PRKCZ: variants seen among roughly 807,000 people sequenced by gnomAD.
The protein encoded by PRKCZ is protein kinase C zeta.
In PRKCZ, 33 loss-of-function variants were observed where a neutral mutation model predicts 79.5. That is an observed-to-expected ratio of 0.41 (90% CI 0.31 to 0.55). The LOEUF (loss-of-function observed/expected upper bound fraction) is 0.55, where lower values mean the gene tolerates loss of function less well. Among genes scored for constraint, PRKCZ ranks in the 20% least tolerant of loss-of-function variants. The pLI is 0.19. For synonymous variants in PRKCZ, 342 were observed against 320.9 expected (o/e 1.07, Z -0.70); for missense variants, 578 against 813.5 (o/e 0.71, Z 3.52).
At chr1:2,124,314 C>T (rs77670361) in intron 4 of PRKCZ, among the ~76,000 whole-genome samples, 13 of 3,882 alleles carry the variant, frequency 3.3e-3, no homozygotes, top group Non-Finnish European at 5.5e-3. Flanking sequence ...GTTAGGGTCA[C>T]GGTGGTGGTT....
At position 2,080,079 on chromosome 1, in the gene PRKCZ, C is replaced by T. The variant is rs138161116; in HGVS notation, c.334+20488C>T. The stretch of plus-strand genomic sequence containing the variant: ...TGGGGCCCTTCTTTGGGGTTCGGCC[C>T]AGTACAGTCTCCTGGTGGCCACGGG... On this transcript the variant is annotated intron_variant, in intron 4 of 17. Coordinates refer to ENST00000378567, the MANE Select transcript of PRKCZ (RefSeq NM_002744.6). 6.6e-3 allele frequency among the ~76,000 whole-genome samples: 1,010 copies of T among 152,330 alleles called. 7 individuals are homozygous for T. The highest frequency in any genetic ancestry group is 0.023 in the African/African-American group (951 of 41,570).
rs1053241755 is a variant in PRKCZ at position 2,172,969 on chromosome 1, C to T, written c.1285+581C>T. 1.3e-5 allele frequency among the ~76,000 whole-genome samples: 2 copies of T among 150,134 alleles called. No individual in the cohort carries two copies. The highest frequency in any genetic ancestry group is 2.5e-5 in the African/African-American group (1 of 40,274). ...GGGCACGCGTGTGCAGCCGTGTGTG[C>T]GTGTGTGAAACGGGGACGTGGGCAC... On this transcript the variant is annotated intron_variant, in intron 13 of 17. Transcript: ENST00000378567. This position sits in a 1 kb window ranked among gnomAD's most constrained non-coding sequence, Gnocchi z 7.8.
chr1:2,093,376 G>A (rs534443052), intron 4 of PRKCZ, among the ~76,000 whole-genome samples: 1 of 152,132 alleles, frequency 6.6e-6, no homozygotes, highest in Admixed American at 6.5e-5. Flanking sequence ...AGGTCAGACC[G>A]CCGGGGTGTG....
chr1:2,055,689 G>A lies in PRKCZ; in HGVS notation c.193+127G>A, dbSNP rs544585156. ...TAAAGCTGTGGAATTAAACTTGTTG[G>A]CGCCAACTTTTCCCCAGTGGGGATG... On this transcript the variant is annotated intron_variant, in intron 2 of 17. Transcript: ENST00000378567. The A allele has an allele frequency of 2.9e-5, 40 of 1,385,770 alleles. No individual in the cohort carries two copies. In the Middle Eastern group the frequency reaches 7.9e-4, roughly 27 times the overall value. The allele number at this position is 1,385,770 out of a possible 1,614,324, so 85.8% of individuals were successfully genotyped here.
At position 2,150,928 on chromosome 1, in the gene PRKCZ, C is replaced by T; in HGVS notation, c.826C>T (p.Gln276Ter). 6.2e-7 allele frequency: 1 copy of T among 1,614,108 alleles called. No individual in the cohort carries two copies. Reference sequence around the variant, plus strand: ...CCTGGTGCGGTTGAAGAAGAATGACCAAATTTACGCCATGAAAGTGGTGAA... The same window carrying T: ...CCTGGTGCGGTTGAAGAAGAATGACTAAATTTACGCCATGAAAGTGGTGAA... ...VLLVRLKKNDQIYAMKVVKKE... is the reference protein window; with the variant it reads ...VLLVRLKKND Residue 276 changes from glutamine to a stop codon, truncating the protein, a stop_gained, in exon 9 of 18, where the codon CAA becomes TAA. Transcript: ENST00000378567. LOFTEE classifies it high-confidence loss of function.
intron 2 of PRKCZ, among the ~76,000 whole-genome samples, chr1:2,056,037 C>T (rs374831431): frequency 3.9e-5 from 6 of 152,320 alleles, no homozygotes; most frequent in Middle Eastern, 3.4e-3. Flanking sequence ...CAGGGACTGG[C>T]GGGCAGCTCT....
rs190111675 is a variant in PRKCZ, at chr1:2,069,415, G to T, written c.334+9824G>T. ...GAGTGGGTGTCCAGAAAGTTCCTGG[G>T]GCTCCACCAACCAGAACGTTGCCAT... On this transcript the variant is annotated intron_variant, in intron 4 of 17. Transcript: ENST00000378567. 3.3e-5 allele frequency among the ~76,000 whole-genome samples: 5 copies of T among 152,264 alleles called. No homozygotes were observed. In the East Asian group the frequency reaches 9.6e-4, roughly 29 times the overall value.
At chr1:2,065,417 G>A (rs1266377728) in intron 4 of PRKCZ, among the ~76,000 whole-genome samples, 1 of 152,086 alleles carries the variant, frequency 6.6e-6, no homozygotes, top group African/African-American at 2.4e-5. Context: ...GGTGGCTCAC[G>A]CCTGTAATCC....
At chr1:2,093,270 G>T (rs188927013) in intron 4 of PRKCZ, among the ~76,000 whole-genome samples, 1 of 152,128 alleles carries the variant, frequency 6.6e-6, no homozygotes, top group Admixed American at 6.5e-5. Flanking sequence ...GGGCCCGCTG[G>T]CCTCGCTGCT....
intron 4 of PRKCZ, among the ~76,000 whole-genome samples, chr1:2,117,867 A>G (rs1358703009): frequency 6.6e-6 from 1 of 151,968 alleles, no homozygotes; most frequent in African/African-American, 2.4e-5. Context: ...TGGTAGACCG[A>G]TGGCATTCCT....
At chr1:2,055,087 C>T (rs913054106) in intron 1 of PRKCZ, among the ~76,000 whole-genome samples, 4 of 152,022 alleles carry the variant, frequency 2.6e-5, no homozygotes, top group Admixed American at 6.6e-5. Context: ...GGACTACAGG[C>T]GCCCGCCACC....
At chr1:2,153,029 A>G (rs1349846936) in intron 9 of PRKCZ, among the ~76,000 whole-genome samples, 1 of 152,178 alleles carries the variant, frequency 6.6e-6, no homozygotes, top group Non-Finnish European at 1.5e-5. Context: ...GTCACATGGT[A>G]GTTCTCTGTT....
At chr1:2,103,903 ACCT>A (rs1481695015) in intron 4 of PRKCZ, among the ~76,000 whole-genome samples, 2 of 152,108 alleles carry the variant, frequency 1.3e-5, no homozygotes, top group East Asian at 1.9e-4. Flanking sequence ...CCGTTTAAAC[ACCT>A]CCTGGCCTGG....
intron 1 of PRKCZ, among the ~76,000 whole-genome samples, chr1:2,054,982 G>A (rs1187645342): frequency 2.7e-5 from 4 of 145,576 alleles, no homozygotes; most frequent in Admixed American, 2.1e-4. Context: ...TCTCTCTGTC[G>A]CCCAGGCTGG....
At chr1:2,068,004 C>A (rs971388206) in intron 4 of PRKCZ, among the ~76,000 whole-genome samples, 2 of 152,202 alleles carry the variant, frequency 1.3e-5, no homozygotes, top group African/African-American at 4.8e-5. Flanking sequence ...ACTCACAGCC[C>A]GAAATGCAGC....
chr1:2,104,245 C>T (rs10910030), intron 4 of PRKCZ, among the ~76,000 whole-genome samples: 84,418 of 151,718 alleles, frequency 0.56, 24,117 homozygotes, highest in East Asian at 0.67. Context: ...GGGAGGGGAG[C>T]GGGTCGTCTC....
chr1:2,096,806 C>T (rs1280918906), intron 4 of PRKCZ, among the ~76,000 whole-genome samples: 1 of 152,180 alleles, frequency 6.6e-6, no homozygotes, highest in Non-Finnish European at 1.5e-5. Context: ...AAGGGTCAGC[C>T]AGCTCATCCA....
intron 4 of PRKCZ, among the ~76,000 whole-genome samples, chr1:2,060,497 G>A (rs1411888961): frequency 9.1e-6 from 1 of 110,432 alleles, no homozygotes; most frequent in Non-Finnish European, 2.1e-5. Flanking sequence ...CATAGGGGGC[G>A]AGAGTCTCGG....
intron 4 of PRKCZ, among the ~76,000 whole-genome samples, chr1:2,086,616 C>T (rs2102439233): frequency 6.6e-6 from 1 of 152,348 alleles, no homozygotes; most frequent in Non-Finnish European, 1.5e-5. Flanking sequence ...ACTTGGCTTC[C>T]TTCGGAGGAG....
Sources: allele counts gnomAD v4.1 joint callset (sites outside exome capture counted in the v4.1 genomes callset), GRCh38; gene constraint gnomAD v4.1.1; non-coding constraint Gnocchi (gnomAD v3.1); transcripts MANE v1.5; gene names NCBI Gene and HGNC (gene_info 2026-07-23, HGNC 2026-07-21).